Variants in FBXL2 observed in about 807,000 individuals in gnomAD.
The protein encoded by FBXL2 is F-box and leucine rich repeat protein 2, also known as F-box/LRR-repeat protein 2.
Under a neutral mutation model 69.2 loss-of-function variants are expected in FBXL2, and 38 were observed. The ratio of observed to expected loss-of-function variants is 0.55; its 90% CI spans 0.42 to 0.72. FBXL2 has a LOEUF of 0.72. Among genes scored for constraint, FBXL2 ranks in the 30% least tolerant of loss-of-function variants. The pLI, the probability that FBXL2 is intolerant of heterozygous loss-of-function variation, is 0.00. For synonymous variants in FBXL2, 192 were observed against 201.3 expected (o/e 0.95, Z 0.39); for missense variants, 354 against 520.3 (o/e 0.68, Z 3.11).
chr3:33,316,090 A>C (rs2037663418), intron 2 of FBXL2, among the ~76,000 whole-genome samples: 1 of 142,070 alleles, frequency 7.0e-6, no homozygotes, highest in Non-Finnish European at 1.5e-5. Flanking sequence ...ACAGGGTCTT[A>C]CTCTATTGCC....
downstream of FBXL2, chr3:33,408,629 C>T: frequency 7.1e-7 from 1 of 1,401,130 alleles, no homozygotes; most frequent in Non-Finnish European, 9.7e-7. Flanking sequence ...GGAAGTTGGT[C>T]CTATATCTAA....
rs146965492 is a variant in FBXL2, at chr3:33,346,478, G to C, written c.66-12489G>C. 2.4e-3 allele frequency among the ~76,000 whole-genome samples: 372 copies of C among 152,048 alleles called. 2 individuals are homozygous for C. The highest frequency in any genetic ancestry group is 8.7e-3 in the African/African-American group (361 of 41,480). On this transcript the variant is annotated intron_variant, in intron 2 of 14. Transcript: ENST00000484457. Reference sequence around the variant, plus strand: ...TCCTAACTACTCAGGAGGATCCCTTGAGCCCAGGATTTCAAGGTTACAGTG... The same window carrying C: ...TCCTAACTACTCAGGAGGATCCCTTCAGCCCAGGATTTCAAGGTTACAGTG...
At chr3:33,302,812 GAC>G (rs2036401742) in intron 2 of FBXL2, among the ~76,000 whole-genome samples, 1 of 152,122 alleles carries the variant, frequency 6.6e-6, no homozygotes, top group South Asian at 2.1e-4. Flanking sequence ...TGAAATCAAA[GAC>G]ACAATTTCAT....
chr3:33,390,552 A>G (rs1255884107), downstream of FBXL2: 2 of 642,818 alleles, frequency 3.1e-6, no homozygotes, highest in African/African-American at 1.8e-5. Context: ...TCATGTACAC[A>G]TTCCCTTTTT....
chr3:33,375,188 T>C, intron 9 of FBXL2, 100 bp from the exon 10 acceptor site: 1 of 1,463,504 alleles, frequency 6.8e-7, no homozygotes, highest in Non-Finnish European at 9.3e-7. Flanking sequence ...ATGCTAGTAA[T>C]CAGCAACCAA....
intron 2 of FBXL2, among the ~76,000 whole-genome samples, chr3:33,320,489 T>C (rs183558836): frequency 1.3e-5 from 2 of 151,904 alleles, no homozygotes; most frequent in African/African-American, 4.8e-5. Flanking sequence ...GCATTTCTTT[T>C]TTTTTTTTTT....
At chr3:33,397,397 AG>A in intron 12 of FBXL2, 1 of 287,222 alleles carries the variant, frequency 3.5e-6, no homozygotes, top group East Asian at 6.0e-5. Flanking sequence ...CAGGGCCTAA[AG>A]AACTCTTCCC....
In FBXL2 at chr3:33,386,447, A is replaced by G. The variant is rs2043439102; in HGVS notation, c.*839A>G. 1 of 152,222 alleles carries G rather than the reference A, an allele frequency of 6.6e-6. No homozygotes were observed. The highest frequency in any genetic ancestry group is 2.4e-5 in the African/African-American group (1 of 41,458). 9.4% of individuals were successfully genotyped at this position (152,222 alleles called of 1,614,324 possible). On this transcript the variant is annotated 3_prime_UTR_variant, in exon 15 of 15. Transcript: ENST00000484457. ...GCTTAAGTTATCTGTAGTATAATCA[A>G]TTAGAAGTAATGAATGGATGCATGT...
intron 2 of FBXL2, among the ~76,000 whole-genome samples, chr3:33,319,879 T>C (rs1202799850): frequency 6.6e-6 from 1 of 152,100 alleles, no homozygotes; most frequent in Non-Finnish European, 1.5e-5. Context: ...AATTCAGACA[T>C]CCAAAAAATA....
chr3:33,314,637 T>C (rs2037512558), intron 2 of FBXL2, among the ~76,000 whole-genome samples: 1 of 152,212 alleles, frequency 6.6e-6, no homozygotes, highest in African/African-American at 2.4e-5. Context: ...TAAAGTTGAT[T>C]TTGAAACATG....
intron 5 of FBXL2, among the ~76,000 whole-genome samples, chr3:33,368,746 C>T (rs1281019645): frequency 6.6e-6 from 1 of 151,946 alleles, no homozygotes; most frequent in Admixed American, 6.6e-5. Flanking sequence ...GCCACCACGC[C>T]CAGCTAATTT....
intron 2 of FBXL2, among the ~76,000 whole-genome samples, chr3:33,335,338 G>A (rs1420752114): frequency 2.0e-5 from 3 of 152,052 alleles, no homozygotes; most frequent in Non-Finnish European, 2.9e-5. Flanking sequence ...CACCATAAAT[G>A]CTAAGTATGT....
intron 2 of FBXL2, among the ~76,000 whole-genome samples, chr3:33,304,429 G>A (rs2036544563): frequency 6.6e-6 from 1 of 152,034 alleles, no homozygotes; most frequent in Non-Finnish European, 1.5e-5. Context: ...TCTTAGAAAT[G>A]TTTTTCACTC....
chr3:33,410,574 G>C, the FBXL2 span, among the ~76,000 whole-genome samples: 23 of 152,294 alleles, frequency 1.5e-4, no homozygotes, highest in Admixed American at 9.8e-4. Context: ...TATGAAGGCT[G>C]GTCAGCAAGT....
At position 33,314,059 on chromosome 3, in the gene FBXL2, A is replaced by T. The variant is rs372513459; in HGVS notation, c.65+16334A>T. ...AATCTTTATTCCTTTATGTCTCTAT[A>T]TGCTTTTTTATATTGTTTATATATC... On this transcript the variant is annotated intron_variant, in intron 2 of 14. Transcript: ENST00000484457. Among the ~76,000 whole-genome samples, 85 of 152,048 alleles carry T rather than the reference A, an allele frequency of 5.6e-4. 1 individual carries two copies. The highest frequency in any genetic ancestry group is 2.0e-3 in the African/African-American group (81 of 41,454).
chr3:33,373,471 G>T, intron 7 of FBXL2, 107 bp from the exon 8 acceptor site: 1 of 1,558,718 alleles, frequency 6.4e-7, no homozygotes, highest in Non-Finnish European at 8.8e-7. Flanking sequence ...AGAGGTCCCA[G>T]GCATGGTCTC....
At chr3:33,299,228 G>A (rs1036414450) in intron 2 of FBXL2, among the ~76,000 whole-genome samples, 4 of 152,094 alleles carry the variant, frequency 2.6e-5, no homozygotes, top group South Asian at 4.2e-4. Context: ...TTTTAGTAGA[G>A]ACGGGGTTTC....
chr3:33,368,648 G>A (rs1002072260), intron 5 of FBXL2, among the ~76,000 whole-genome samples: 3 of 151,910 alleles, frequency 2.0e-5, no homozygotes, highest in African/African-American at 4.8e-5. Flanking sequence ...AGGCTGGAGT[G>A]CAGTGGAGTG....
chr3:33,358,443 G>A (rs774054366), intron 2 of FBXL2, among the ~76,000 whole-genome samples: 3 of 151,118 alleles, frequency 2.0e-5, no homozygotes, highest in African/African-American at 7.3e-5. Context: ...ACCTCTTCCC[G>A]CCCCATCTTT....
Sources: allele counts gnomAD v4.1 joint callset (sites outside exome capture counted in the v4.1 genomes callset), GRCh38; gene constraint gnomAD v4.1.1; transcripts MANE v1.5; gene names NCBI Gene and HGNC (gene_info 2026-07-23, HGNC 2026-07-21).